CENPK: variants seen among roughly 807,000 people sequenced by gnomAD.
CENPK encodes SoxLZ/Sox6-binding protein Solt.
In CENPK, 46 loss-of-function variants were observed where a neutral mutation model predicts 40.9. The ratio of observed to expected loss-of-function variants is 1.13; its 90% CI spans 0.89 to 1.44. The LOEUF (loss-of-function observed/expected upper bound fraction) is 1.44, where lower values mean the gene tolerates loss of function less well. Among genes scored for constraint, CENPK ranks in the 40% most tolerant of loss-of-function variants. The probability of loss-of-function intolerance (pLI) is 0.00; values close to 1 mark genes in which losing one functional copy is unlikely to be tolerated. For synonymous variants in CENPK, 107 were observed against 104.4 expected (o/e 1.02, Z -0.15); for missense variants, 288 against 303.5 (o/e 0.95, Z 0.38).
the CENPK span, among the ~76,000 whole-genome samples, chr5:65,508,903 AT>A: frequency 6.6e-6 from 1 of 152,156 alleles, no homozygotes; most frequent in South Asian, 2.1e-4. Context: ...GAAAGAAACC[AT>A]TAATAAATAC....
the CENPK span, among the ~76,000 whole-genome samples, chr5:65,497,371 A>G: frequency 2.0e-5 from 3 of 152,164 alleles, no homozygotes; most frequent in Admixed American, 6.5e-5. Context: ...TCCCTTTCAA[A>G]AAAAAAAGAA....
chr5:65,544,575 C>A (rs745819002), intron 5 of CENPK, among the ~76,000 whole-genome samples: 6 of 152,138 alleles, frequency 3.9e-5, no homozygotes, highest in Non-Finnish European at 1.5e-5. Context: ...GAGAACTGCA[C>A]ATCCATGTTC....
intron 2 of CENPK, among the ~76,000 whole-genome samples, chr5:65,559,521 T>C (rs983042005): frequency 4.0e-5 from 6 of 149,048 alleles, no homozygotes; most frequent in Non-Finnish European, 8.9e-5. Context: ...CCCAGCTACT[T>C]GGGAGGCTGA....
At chr5:65,509,551 C>T in the CENPK span, among the ~76,000 whole-genome samples, 30,128 of 152,110 alleles carry the variant, frequency 0.2, 3,513 homozygotes, top group South Asian at 0.32. Flanking sequence ...TGAAGAATGT[C>T]GGTGTTCCTT....
At chr5:65,539,699 G>GT (rs1279595904) in intron 6 of CENPK, among the ~76,000 whole-genome samples, 2 of 152,218 alleles carry the variant, frequency 1.3e-5, no homozygotes, top group African/African-American at 4.8e-5. Context: ...TTCACTCACA[G>GT]TATCGCTGTG....
At chr5:65,543,566 G>A (rs1748357143) in intron 5 of CENPK, among the ~76,000 whole-genome samples, 1 of 152,002 alleles carries the variant, frequency 6.6e-6, no homozygotes, top group Non-Finnish European at 1.5e-5. Context: ...AAACCCCCAG[G>A]GAAACCTAGA....
In CENPK at chr5:65,528,952, A is replaced by G. The variant is rs775303734; in HGVS notation, c.437T>C (p.Leu146Ser). 1.3e-6 allele frequency: 2 copies of G among 1,598,388 alleles called. No individual in the cohort carries two copies. Among genetic ancestry groups the G allele is most frequent in the South Asian group, 2.3e-5 (2 of 87,922 alleles). The part of the protein sequence containing the change: ...MESLNVLHSE[L>S]KNKVETFSES... ...AGAAAATGTTTCAACCTTATTTTTC[A>G]ATTCACTGTGTAGTACATTAAGAGA... Residue 146 changes from leucine (L) to serine (S), a missense_variant, in exon 8 of 11, where the codon TTG becomes TCG. By Grantham distance (145) the Leu-to-Ser change is moderately radical. Coordinates refer to ENST00000396679, the MANE Select transcript of CENPK (RefSeq NM_022145.5).
At chr5:65,534,384 G>T (rs1746492446) in intron 6 of CENPK, among the ~76,000 whole-genome samples, 1 of 152,046 alleles carries the variant, frequency 6.6e-6, no homozygotes, top group Admixed American at 6.5e-5. Context: ...AATTCTAAAA[G>T]TTACATGGAA....
chr5:65,517,118 T>G (rs776058856), downstream of CENPK, among the ~76,000 whole-genome samples: 22 of 152,104 alleles, frequency 1.4e-4, no homozygotes, highest in Admixed American at 1.3e-3. Flanking sequence ...ATTTTTGGTA[T>G]TTTTAGTAAA....
the CENPK span, among the ~76,000 whole-genome samples, chr5:65,498,179 A>G: frequency 6.6e-6 from 1 of 152,006 alleles, no homozygotes; most frequent in African/African-American, 2.4e-5. Context: ...TACTTTTAAA[A>G]TATCTTTAAT....
At chr5:65,543,743 G>A (rs898987184) in intron 5 of CENPK, among the ~76,000 whole-genome samples, 10 of 152,096 alleles carry the variant, frequency 6.6e-5, no homozygotes, top group Admixed American at 2.0e-4. Flanking sequence ...TTTTATACAC[G>A]TTTTTATGTA....
At chr5:65,550,628 C>T (rs1260033791) in intron 5 of CENPK, 1 of 152,098 alleles carries the variant, frequency 6.6e-6, no homozygotes, top group African/African-American at 2.4e-5. Flanking sequence ...GTGAGATTAC[C>T]AAAATGTGAC....
At position 65,563,159 on chromosome 5, in the gene CENPK, G is replaced by A; in HGVS notation, c.-203C>T. 3.9e-6 allele frequency: 4 copies of A among 1,019,510 alleles called. No individual in the cohort carries two copies. The highest frequency in any genetic ancestry group is 4.2e-6 in the Non-Finnish European group (3 of 712,784). 63.2% of individuals were successfully genotyped at this position (1,019,510 alleles called of 1,614,324 possible). ...TGCGCAGGAAGCGCTTGCCAGCCCC[G>A]GACTTCTGCGCGCGCTGCATGCCCA... On this transcript the variant is annotated 5_prime_UTR_variant, in exon 1 of 11. Transcript: ENST00000396679.
intron 6 of CENPK, among the ~76,000 whole-genome samples, chr5:65,530,304 G>GA (rs955406392): frequency 7.5e-5 from 11 of 147,020 alleles, no homozygotes; most frequent in South Asian, 2.1e-4. Flanking sequence ...GTGTCATAAA[G>GA]AAAAAAAAAA....
At chr5:65,496,334 T>C in the CENPK span, among the ~76,000 whole-genome samples, 391 of 152,290 alleles carry the variant, frequency 2.6e-3, 1 homozygote, top group Non-Finnish European at 4.7e-3. Context: ...AAGACATTGA[T>C]CACGGTGCTA....
At chr5:65,548,388 G>C (rs973022767) in intron 5 of CENPK, among the ~76,000 whole-genome samples, 7 of 152,196 alleles carry the variant, frequency 4.6e-5, no homozygotes, top group African/African-American at 1.7e-4. Context: ...TGTTTTGCTG[G>C]TGGAAGGCCT....
chr5:65,539,711 C>G (rs1441053079), intron 6 of CENPK, among the ~76,000 whole-genome samples: 1 of 152,238 alleles, frequency 6.6e-6, no homozygotes, highest in Non-Finnish European at 1.5e-5. Context: ...ATCGCTGTGC[C>G]TGGGCACCAT....
chr5:65,499,651 CTTTTTTTTTTTTTTAA>C, the CENPK span, among the ~76,000 whole-genome samples: 5 of 125,782 alleles, frequency 4.0e-5, no homozygotes, highest in Non-Finnish European at 6.5e-5. Flanking sequence ...AATATTAGAT[CTTTTTTTTTTTTTTAA>C]TTTTTTTTTT....
intron 2 of CENPK, among the ~76,000 whole-genome samples, chr5:65,556,951 A>C (rs1055631195): frequency 1.3e-5 from 2 of 152,260 alleles, no homozygotes; most frequent in Non-Finnish European, 2.9e-5. Context: ...CACATGATGA[A>C]ATCATCTAAC....
Sources: gnomAD v4.1 joint callset for allele counts (sites outside exome capture counted in the v4.1 genomes callset) on GRCh38, gnomAD v4.1.1 for gene constraint, MANE v1.5 for transcripts, NCBI Gene and HGNC (gene_info 2026-07-23, HGNC 2026-07-21) for gene names.